Variants in PRIMA1 observed in about 807,000 individuals in gnomAD.
PRIMA1 encodes proline-rich membrane anchor 1.
PRIMA1 carries 7 observed loss-of-function variants against 17.5 expected under a neutral mutation model. The observed-to-expected ratio is 0.40, with a 90% CI of 0.23 to 0.75. PRIMA1 has a LOEUF of 0.75. PRIMA1 is among the 30% of genes least tolerant of loss of function. PRIMA1 has a pLI of 0.37. For synonymous variants in PRIMA1, 97 were observed against 77.9 expected, an observed-to-expected ratio of 1.25 and a Z score of -1.29; for missense variants, 200 against 201.8, an observed-to-expected ratio of 0.99 and a Z score of 0.05.
chr14:93,779,868 C>T lies in PRIMA1; in HGVS notation c.94-557G>A, dbSNP rs562907500. On this transcript the variant is annotated intron_variant, in intron 2 of 4. Transcript: ENST00000393140. ...GAGAGGCCTCTACTCCTGTGTCCCA[C>T]GTGACCAAAGGGAGCAGAGCAACCT... 1.7e-4 allele frequency among the ~76,000 whole-genome samples: 26 copies of T among 152,332 alleles called. No homozygotes were observed. The East Asian group carries it at 2.1e-3, about 12-fold the overall frequency.
intron 4 of PRIMA1, among the ~76,000 whole-genome samples, chr14:93,732,344 C>T (rs74076303): frequency 0.023 from 3,488 of 152,302 alleles, 136 homozygotes; most frequent in African/African-American, 0.08. Context: ...GCTCCCCAAG[C>T]TGGGATCTGA....
intron 3 of PRIMA1, among the ~76,000 whole-genome samples, chr14:93,743,746 A>G (rs2076198403): frequency 1.3e-5 from 2 of 152,234 alleles, no homozygotes. Flanking sequence ...AAGGAGTCAC[A>G]GCCCTGCTTC....
At chr14:93,778,400 C>T (rs1222000342) in intron 3 of PRIMA1, among the ~76,000 whole-genome samples, 3 of 152,206 alleles carry the variant, frequency 2.0e-5, no homozygotes, top group African/African-American at 4.8e-5. Flanking sequence ...AGGCTGGAAA[C>T]GCAGCCTACC....
intron 3 of PRIMA1, among the ~76,000 whole-genome samples, chr14:93,744,410 C>T (rs1022800756): frequency 4.6e-5 from 7 of 152,362 alleles, no homozygotes; most frequent in African/African-American, 1.4e-4. Context: ...TTGCGGAGGC[C>T]GGTGCCAGGG....
At chr14:93,751,202 G>A (rs1369347627) in intron 3 of PRIMA1, among the ~76,000 whole-genome samples, 1 of 152,188 alleles carries the variant, frequency 6.6e-6, no homozygotes, top group Non-Finnish European at 1.5e-5. Context: ...GGCTGCCAGG[G>A]TGGCTATGCA....
Position 93,726,801 on chromosome 14 carries a change from T to C in PRIMA1, c.360-5255A>G. The stretch of plus-strand genomic sequence containing the variant: ...CACAAACAATATACACATACACACA[T>C]GTACTTCAACACACACACAATATAC... On this transcript the variant is annotated intron_variant, in intron 4 of 4. Transcript: ENST00000393140. This position sits in a 1 kb window ranked among gnomAD's most constrained non-coding sequence, Gnocchi z 4.2. 6.6e-6 allele frequency among the ~76,000 whole-genome samples: 1 copy of C among 151,584 alleles called. No individual in the cohort carries two copies. The highest frequency in any genetic ancestry group is 1.5e-5 in the Non-Finnish European group (1 of 67,792).
Position 93,787,660 on chromosome 14 carries a change from T to A in PRIMA1, c.59A>T (p.His20Leu). The A allele has an allele frequency of 1.3e-6, 2 of 1,543,620 alleles. No homozygotes were observed. The highest frequency in any genetic ancestry group is 1.7e-6 in the Non-Finnish European group (2 of 1,146,818). The change falls in exon 2 of 5, where the codon CAC becomes CTC. Residue 20 changes from histidine (H) to leucine (L), a missense_variant. By Grantham distance (99) the His-to-Leu change is moderately conservative (BLOSUM62 -3). Transcript: ENST00000393140. ...GCCCCAGAGCGGGTGGAGCGCGCAG[T>A]GCAGCAGCAGCGAGGACCAGCAGCA... ...RGCCWSSLLLHCALHPLWGFV... is the reference protein window; with the variant it reads ...RGCCWSSLLLLCALHPLWGFV...
At chr14:93,759,538 T>C (rs1466154388) in intron 3 of PRIMA1, among the ~76,000 whole-genome samples, 3 of 152,090 alleles carry the variant, frequency 2.0e-5, no homozygotes, top group Admixed American at 6.6e-5. Context: ...TGCATGTGTA[T>C]TGTGTGTGCA....
chr14:93,727,231 A>G (rs1032785484), intron 4 of PRIMA1, among the ~76,000 whole-genome samples: 1 of 152,120 alleles, frequency 6.6e-6, no homozygotes, highest in Admixed American at 6.5e-5. Flanking sequence ...TGCATTTCTC[A>G]TGCTTGCATC....
intron 3 of PRIMA1, among the ~76,000 whole-genome samples, chr14:93,772,049 T>C (rs1267531933): frequency 6.6e-6 from 1 of 152,230 alleles, no homozygotes; most frequent in Non-Finnish European, 1.5e-5. Flanking sequence ...AAAGAAGGGT[T>C]TGAGGATTAA....
At chr14:93,723,083 G>A (rs2076052829) in intron 4 of PRIMA1, among the ~76,000 whole-genome samples, 1 of 152,082 alleles carries the variant, frequency 6.6e-6, no homozygotes, top group African/African-American at 2.4e-5. Context: ...CCTCCCTCAA[G>A]TTGTTCAGGA....
chr14:93,755,043 T>C (rs1284905560), intron 3 of PRIMA1, among the ~76,000 whole-genome samples: 1 of 152,146 alleles, frequency 6.6e-6, no homozygotes, highest in Non-Finnish European at 1.5e-5. Context: ...ACATTCCCAA[T>C]TCTGGACTCT....
rs1282125388 is a variant in PRIMA1 at position 93,779,156 on chromosome 14, T to G, written c.229+20A>C. 1 of 1,382,390 alleles carries G rather than the reference T, an allele frequency of 7.2e-7. No individual in the cohort carries two copies. The allele number at this position is 1,382,390 out of a possible 1,614,324, so 85.6% of individuals were successfully genotyped here. ...GAAAACACAAAGAGAAACCCGAAAA[T>G]GGAGTGAGCCATTACTTACCTGGGG... On this transcript the variant is annotated intron_variant, in intron 3 of 4. Transcript: ENST00000393140.
intron 3 of PRIMA1, among the ~76,000 whole-genome samples, chr14:93,743,993 G>A (rs775458805): frequency 1.3e-5 from 2 of 152,238 alleles, no homozygotes; most frequent in Non-Finnish European, 2.9e-5. Context: ...GGTTTTGTCT[G>A]TCTCACAAGG....
chr14:93,754,247 C>T (rs2076277565), intron 3 of PRIMA1, among the ~76,000 whole-genome samples: 1 of 152,178 alleles, frequency 6.6e-6, no homozygotes, highest in Non-Finnish European at 1.5e-5. Flanking sequence ...ACAAGCTCAA[C>T]GAAGAGCTTG....
At chr14:93,749,692 G>A (rs1434053464) in intron 3 of PRIMA1, among the ~76,000 whole-genome samples, 1 of 152,218 alleles carries the variant, frequency 6.6e-6, no homozygotes, top group Non-Finnish European at 1.5e-5. Flanking sequence ...GCCCAGCAGA[G>A]CCCCAGCACC....
rs545271727 is a variant in PRIMA1, at chr14:93,773,157, C to T, written c.229+6019G>A. On this transcript the variant is annotated intron_variant, in intron 3 of 4. Transcript: ENST00000393140. The stretch of plus-strand genomic sequence containing the variant: ...CAGGAAGCCAGGCTCTGAGCCACTG[C>T]GCTACATAATACCACCTTTTGAGCA... 2.6e-5 allele frequency among the ~76,000 whole-genome samples: 4 copies of T among 152,352 alleles called. No individual in the cohort carries two copies. In the South Asian group the frequency reaches 8.3e-4, roughly 32 times the overall value.
At chr14:93,743,538 A>G (rs1474774657) in intron 3 of PRIMA1, among the ~76,000 whole-genome samples, 1 of 152,230 alleles carries the variant, frequency 6.6e-6, no homozygotes, top group African/African-American at 2.4e-5. Context: ...CCACTTGTCT[A>G]GGACCCCCCT....
At chr14:93,763,621 G>C (rs1278251478) in intron 3 of PRIMA1, among the ~76,000 whole-genome samples, 1 of 152,226 alleles carries the variant, frequency 6.6e-6, no homozygotes, top group African/African-American at 2.4e-5. Flanking sequence ...GGTTGAGGGA[G>C]GAGCGGGTAA....
Sources: allele counts gnomAD v4.1 joint callset (sites outside exome capture counted in the v4.1 genomes callset), GRCh38; gene constraint gnomAD v4.1.1; non-coding constraint Gnocchi (gnomAD v3.1); transcripts MANE v1.5; gene names NCBI Gene and HGNC (gene_info 2026-07-23, HGNC 2026-07-21).